The following SLC24A4 variants were observed in gnomAD, a reference collection of about 807,000 sequenced individuals.
The protein encoded by SLC24A4 is sodium/potassium/calcium exchanger 4.
A neutral mutation model predicts 79.0 loss-of-function variants in SLC24A4; 53 were observed. That is an observed-to-expected ratio of 0.67 (90% confidence interval 0.54 to 0.84). SLC24A4 has a LOEUF of 0.84. SLC24A4 is among the 40% of genes least tolerant of loss of function. The pLI, the probability that SLC24A4 is intolerant of heterozygous loss-of-function variation, is 0.00. For synonymous variants in SLC24A4, 323 were observed against 323.8 expected, an observed-to-expected ratio of 1.00 and a Z score of 0.03; for missense variants, 731 against 822.0, an observed-to-expected ratio of 0.89 and a Z score of 1.35.
At chr14:92,346,373 A>G (rs904597580) in intron 2 of SLC24A4, among the ~76,000 whole-genome samples, 3 of 152,138 alleles carry the variant, frequency 2.0e-5, no homozygotes, top group African/African-American at 7.2e-5. Flanking sequence ...CAGGATGGCC[A>G]TGGAGAAGGC....
chr14:92,380,274 T>G (rs1227485096), intron 2 of SLC24A4, among the ~76,000 whole-genome samples: 1 of 152,190 alleles, frequency 6.6e-6, no homozygotes, highest in East Asian at 1.9e-4. Context: ...AGGGGAATGT[T>G]AAGCTCTAAG....
chr14:92,409,685 A>G (rs1159883781), intron 2 of SLC24A4, among the ~76,000 whole-genome samples: 1 of 152,094 alleles, frequency 6.6e-6, no homozygotes, highest in Non-Finnish European at 1.5e-5. Flanking sequence ...AACACAGACT[A>G]GTTTTGGGAT....
In SLC24A4 at chr14:92,324,066, C is replaced by A; in HGVS notation, c.130+106C>A. ...TCCCCTCCTTCCTCATCAGGTTGGT[C>A]CCAAGGGTTCATCCAGTCCCCTCCC... On this transcript the variant is annotated intron_variant, in intron 1 of 16. Transcript: ENST00000532405. The A allele has an allele frequency of 6.9e-6, 10 of 1,446,320 alleles. No individual in the cohort carries two copies. In the South Asian group the frequency reaches 1.3e-4, roughly 19 times the overall value. The allele number at this position is 1,446,320 out of a possible 1,614,324, so 89.6% of individuals were successfully genotyped here. A position where few individuals can be genotyped will look rare whatever the true frequency, so the allele number is the denominator to read the frequency against.
chr14:92,393,680 A>ACTAT (rs1595211550), intron 2 of SLC24A4, among the ~76,000 whole-genome samples: 1 of 150,804 alleles, frequency 6.6e-6, no homozygotes, highest in African/African-American at 2.4e-5. Context: ...AGTAGCTGGG[A>ACTAT]CTATAGGCAC....
chr14:92,446,172 CTA>C (rs1892784216), intron 8 of SLC24A4, among the ~76,000 whole-genome samples: 1 of 69,162 alleles, frequency 1.4e-5, no homozygotes, highest in African/African-American at 7.6e-5. Context: ...TGCGTGCATT[CTA>C]TGTTTTTTTT....
At chr14:92,442,872 G>A (rs1892583098) in intron 6 of SLC24A4, 56 bp downstream of exon 6, 2 of 1,406,478 alleles carry the variant, frequency 1.4e-6, no homozygotes, top group East Asian at 2.3e-5. Context: ...TGGGGGATGA[G>A]CCTCTAATGA....
At chr14:92,402,247 T>C (rs1210054289) in intron 2 of SLC24A4, among the ~76,000 whole-genome samples, 1 of 152,146 alleles carries the variant, frequency 6.6e-6, no homozygotes, top group African/African-American at 2.4e-5. Context: ...GATTATTGAG[T>C]GCTAAGTGGG....
In SLC24A4 at chr14:92,323,736, G is replaced by T. The variant is rs957228302; in HGVS notation, c.-95G>T. 5.6e-6 allele frequency: 8 copies of T among 1,439,314 alleles called. No homozygotes were observed. In the East Asian group the frequency reaches 7.6e-5, roughly 14 times the overall value. The allele number at this position is 1,439,314 out of a possible 1,614,324, so 89.2% of individuals were successfully genotyped here. A position where few individuals can be genotyped will look rare whatever the true frequency, so the allele number is the denominator to read the frequency against. ...GCTCCTCGCCTCTGAGTCGCGCACC[G>T]CCTGCTCCAGCCCCAGCGCCGCTCG... On this transcript the variant is annotated 5_prime_UTR_variant, in exon 1 of 17. Coordinates refer to ENST00000532405, the MANE Select transcript of SLC24A4 (RefSeq NM_153646.4). The surrounding 1 kb of genome is among the most constrained non-coding windows in gnomAD (Gnocchi z 4.9).
rs74072664 is a variant in SLC24A4 at position 92,329,335 on chromosome 14, A to G, written c.241+3357A>G. On this transcript the variant is annotated intron_variant, in intron 2 of 16. Coordinates refer to ENST00000532405, the MANE Select transcript of SLC24A4 (RefSeq NM_153646.4). ...CTCATCTTTACCTGTGAGAGGAAGA[A>G]CTTTATTTTCCAAAAACATGAATGG... is the stretch of plus-strand genomic sequence containing the variant. Among the ~76,000 whole-genome samples, 1,085 of 152,316 alleles carry G rather than the reference A, an allele frequency of 7.1e-3. 17 individuals carry two copies. The highest frequency in any genetic ancestry group is 0.025 in the African/African-American group (1,046 of 41,568).
chr14:92,324,095 C>G, intron 1 of SLC24A4, 135 bp downstream of exon 1: 1 of 1,262,984 alleles, frequency 7.9e-7, no homozygotes. Context: ...CCCTCCCCGC[C>G]GGGCAGGTAG....
chr14:92,448,345 TACACAC>T (rs71877757), intron 9 of SLC24A4, among the ~76,000 whole-genome samples: 273 of 132,050 alleles, frequency 2.1e-3, no homozygotes, highest in African/African-American at 7.0e-3. Context: ...TCCCACTACA[TACACAC>T]ACACACACAC....
intron 4 of SLC24A4, among the ~76,000 whole-genome samples, chr14:92,440,967 T>G (rs114015304): frequency 0.011 from 1,670 of 152,062 alleles, 25 homozygotes; most frequent in African/African-American, 0.039. Context: ...GCTGAGAGTT[T>G]TGGAGATCCT....
At chr14:92,421,842 A>C (rs1382876605) in intron 2 of SLC24A4, among the ~76,000 whole-genome samples, 1 of 152,174 alleles carries the variant, frequency 6.6e-6, no homozygotes, top group Non-Finnish European at 1.5e-5. Context: ...TTTTTTAAAA[A>C]AAATAAAGCA....
At chr14:92,348,192 C>A (rs1595146560) in intron 2 of SLC24A4, among the ~76,000 whole-genome samples, 1 of 152,132 alleles carries the variant, frequency 6.6e-6, no homozygotes. Context: ...TTCCTTAAAT[C>A]TCATTTCCCT....
intron 2 of SLC24A4, among the ~76,000 whole-genome samples, chr14:92,407,588 T>C (rs1000792602): frequency 1.3e-5 from 2 of 152,052 alleles, no homozygotes; most frequent in Non-Finnish European, 1.5e-5. Context: ...CTTACAATCA[T>C]GGCAGAAGGC....
chr14:92,391,241 G>A (rs1232224221), intron 2 of SLC24A4, among the ~76,000 whole-genome samples: 2 of 152,220 alleles, frequency 1.3e-5, no homozygotes, highest in African/African-American at 4.8e-5. Context: ...TGTGGGCGTG[G>A]AGTGCAGGGA....
chr14:92,473,771 A>G (rs1409223888), intron 12 of SLC24A4, among the ~76,000 whole-genome samples: 6 of 152,020 alleles, frequency 3.9e-5, no homozygotes, highest in Admixed American at 3.3e-4. Context: ...TGATTTCACA[A>G]TTTTAGCCAC....
chr14:92,434,792 G>A (rs1892073811), intron 3 of SLC24A4, among the ~76,000 whole-genome samples: 1 of 152,146 alleles, frequency 6.6e-6, no homozygotes, highest in Non-Finnish European at 1.5e-5. Context: ...ATTTATTTTT[G>A]AGATGGAGTC....
chr14:92,339,638 G>A (rs573307697), intron 2 of SLC24A4, among the ~76,000 whole-genome samples: 15 of 152,194 alleles, frequency 9.9e-5, no homozygotes, highest in South Asian at 6.2e-4. Flanking sequence ...CGGTGGGCGC[G>A]GGTGGGTATG....
Sources: gnomAD v4.1 joint callset for allele counts (sites outside exome capture counted in the v4.1 genomes callset) on GRCh38, gnomAD v4.1.1 for gene constraint, Gnocchi (gnomAD v3.1) non-coding constraint, MANE v1.5 for transcripts, NCBI Gene and HGNC (gene_info 2026-07-23, HGNC 2026-07-21) for gene names.